ERICH1: variants seen among roughly 807,000 people sequenced by gnomAD.
The protein encoded by ERICH1 is glutamate-rich protein 1.
Under a neutral mutation model 39.6 loss-of-function variants are expected in ERICH1, and 56 were observed. The ratio of observed to expected loss-of-function variants is 1.41; its 90% confidence interval spans 1.14 to 1.77. ERICH1 has a LOEUF of 1.77. Among genes scored for constraint, ERICH1 ranks in the 40% most tolerant of loss-of-function variants. ERICH1 has a pLI of 0.00. For missense variants in ERICH1, 826 were observed against 575.4 expected (o/e 1.44, Z -4.45); for synonymous variants, 313 against 223.6 (o/e 1.40, Z -3.57).
chr8:680,945 G>C (rs993728379), intron 3 of ERICH1, among the ~76,000 whole-genome samples: 1 of 152,222 alleles, frequency 6.6e-6, no homozygotes, highest in African/African-American at 2.4e-5. Flanking sequence ...GACACAAGGA[G>C]ACCTGGTGGT....
At position 632,974 on chromosome 8, in the gene ERICH1, A is replaced by G. The variant is rs375683361; in HGVS notation, c.977-17690T>C. Among the ~76,000 whole-genome samples, 23 of 152,332 alleles carry G rather than the reference A, an allele frequency of 1.5e-4. No individual in the cohort carries two copies. In the South Asian group the frequency reaches 4.6e-3, roughly 30 times the overall value. The stretch of plus-strand genomic sequence containing the variant: ...TAGGCAAAACCATCAGCAGTGCCAG[A>G]CAAAGATGCCGAGACGCAGGGAGGG... On this transcript the variant is annotated intron_variant, in intron 3 of 3. Transcript: ENST00000522706.
downstream of ERICH1, chr8:664,068 C>T: frequency 3.9e-6 from 1 of 257,712 alleles, no homozygotes; most frequent in East Asian, 1.8e-4. Context: ...CTGACTGATG[C>T]TTTTAACACT....
At position 668,596 on chromosome 8, in the gene ERICH1, A is replaced by T; in HGVS notation, c.1258+2T>A. ...ACCTTGAATAAATCGTACGGTACTT[A>T]CCAGGAGGCATCGTGCAATGTTCTG... On this transcript the variant is annotated splice_donor_variant, in intron 5 of 5. Transcript: ENST00000262109. LOFTEE classifies it high-confidence loss of function. 6.2e-7 allele frequency: 1 copy of T among 1,614,222 alleles called. No individual in the cohort carries two copies. Among genetic ancestry groups the T allele is most frequent in the South Asian group, 1.1e-5 (1 of 91,088 alleles).
intron 1 of ERICH1, among the ~76,000 whole-genome samples, chr8:721,886 T>C (rs1353437070): frequency 1.3e-5 from 2 of 152,232 alleles, no homozygotes; most frequent in Non-Finnish European, 2.9e-5. Flanking sequence ...GAGCTCTAGA[T>C]AGAGGCTGAC....
intron 1 of ERICH1, among the ~76,000 whole-genome samples, chr8:719,552 CAACA>C (rs1563350515): frequency 6.6e-6 from 1 of 152,178 alleles, no homozygotes; most frequent in Non-Finnish European, 1.5e-5. Flanking sequence ...CCTTCATAAC[CAACA>C]AACACTGTGG....
At chr8:674,891 A>C (rs1460678088) in intron 3 of ERICH1, among the ~76,000 whole-genome samples, 2 of 152,218 alleles carry the variant, frequency 1.3e-5, no homozygotes, top group Admixed American at 6.5e-5. Context: ...CAGCTCTCGG[A>C]AAAGTCCTGA....
Position 731,191 on chromosome 8 carries a change from G to T in ERICH1, c.-30C>A, listed in dbSNP as rs745919484. 2.3e-5 allele frequency: 34 copies of T among 1,492,280 alleles called. No individual in the cohort carries two copies. The East Asian group carries it at 2.5e-4, about 11-fold the overall frequency. The allele number at this position is 1,492,280 out of a possible 1,614,324, so 92.4% of individuals were successfully genotyped here. ...GACCCTGCCGCGGACCTCAGACCACGGCGCGCGGTCCTGAGCTGAGCGCCG... is the reference window on the plus strand; with the variant it reads ...GACCCTGCCGCGGACCTCAGACCACTGCGCGCGGTCCTGAGCTGAGCGCCG... On this transcript the variant is annotated 5_prime_UTR_variant, in exon 1 of 6. Transcript: ENST00000262109.
intron 3 of ERICH1, among the ~76,000 whole-genome samples, chr8:650,901 G>C (rs1799863547): frequency 6.6e-6 from 1 of 152,206 alleles, no homozygotes; most frequent in South Asian, 2.1e-4. Context: ...AGCTCCTTGA[G>C]TGTGACTGAG....
At chr8:699,673 C>T (rs1811244133) in intron 2 of ERICH1, among the ~76,000 whole-genome samples, 1 of 151,778 alleles carries the variant, frequency 6.6e-6, no homozygotes, top group Non-Finnish European at 1.5e-5. Flanking sequence ...ACGTACAGAC[C>T]CGCACACGTG....
chr8:646,763 G>A (rs1158414930), intron 3 of ERICH1, among the ~76,000 whole-genome samples: 3 of 68,424 alleles, frequency 4.4e-5, no homozygotes, highest in African/African-American at 1.1e-4. Context: ...GGCAAAGGAG[G>A]GCCTGGTGGT....
chr8:695,863 T>C (rs1810115724), intron 2 of ERICH1, among the ~76,000 whole-genome samples: 1 of 123,988 alleles, frequency 8.1e-6, no homozygotes, highest in Non-Finnish European at 1.6e-5. Context: ...CTGTGCTCGC[T>C]CCTCTCACCC....
chr8:620,039 C>A (rs182218716), intron 3 of ERICH1, among the ~76,000 whole-genome samples: 1 of 152,134 alleles, frequency 6.6e-6, no homozygotes, highest in African/African-American at 2.4e-5. Flanking sequence ...GTGGGCCAGG[C>A]GTGGTGGCTC....
chr8:660,621 T>C (rs1021881864), downstream of ERICH1, among the ~76,000 whole-genome samples: 4 of 152,260 alleles, frequency 2.6e-5, no homozygotes, highest in East Asian at 1.9e-4. Flanking sequence ...CAAGCCACTA[T>C]GCCTGTGGTC....
chr8:634,382 G>A (rs1798266471), intron 3 of ERICH1, among the ~76,000 whole-genome samples: 1 of 151,838 alleles, frequency 6.6e-6, no homozygotes, highest in Non-Finnish European at 1.5e-5. Context: ...CTGTTGGCGG[G>A]AATGTGAAAT....
intron 3 of ERICH1, chr8:615,340 A>T: frequency 1.6e-6 from 1 of 626,402 alleles, no homozygotes; most frequent in South Asian, 1.9e-5. Flanking sequence ...TACAATGTTT[A>T]TTGATCCACA....
chr8:720,604 G>C (rs767634661), intron 1 of ERICH1, among the ~76,000 whole-genome samples: 2 of 152,164 alleles, frequency 1.3e-5, no homozygotes, highest in African/African-American at 2.4e-5. Context: ...AATTCACGAC[G>C]GTCAACACAT....
chr8:728,214 G>A (rs538982831), intron 1 of ERICH1, among the ~76,000 whole-genome samples: 2 of 152,306 alleles, frequency 1.3e-5, no homozygotes, highest in South Asian at 4.2e-4. Context: ...AGGAGGCTCC[G>A]CCAGCCCAAC....
intron 2 of ERICH1, among the ~76,000 whole-genome samples, chr8:710,044 T>G (rs1814331516): frequency 6.6e-6 from 1 of 152,214 alleles, no homozygotes; most frequent in Admixed American, 6.5e-5. Context: ...CTGCTTCTTG[T>G]AAGGCATAAC....
Position 696,003 on chromosome 8 carries a change from CGCCTGT to C in ERICH1, c.170-3397_170-3392del, listed in dbSNP as rs1207225252. 2.2e-3 allele frequency among the ~76,000 whole-genome samples: 51 copies of C among 22,892 alleles called. 2 individuals are homozygous for C. The highest frequency in any genetic ancestry group is 0.033 in the Middle Eastern group (1 of 30). The allele number at this position is 22,892 out of a possible 152,430, so 15.0% of individuals were successfully genotyped here. On this transcript the variant is annotated intron_variant, in intron 2 of 5. Transcript: ENST00000262109. ...CCTCTCCTTCCTCCCCATCAGCCTG[CGCCTGT>C]GCTGGCTCCTCTCACCCTCCACTCC...
Sources: gnomAD v4.1 joint callset for allele counts (sites outside exome capture counted in the v4.1 genomes callset) on GRCh38, gnomAD v4.1.1 for gene constraint, MANE v1.5 for transcripts, NCBI Gene and HGNC (gene_info 2026-07-23, HGNC 2026-07-21) for gene names.